The following TMEM63C variants were observed in gnomAD, a reference collection of about 807,000 sequenced individuals.
The protein encoded by TMEM63C is transmembrane protein 63C, also known as osmosensitive cation channel TMEM63C.
In TMEM63C, 32 loss-of-function variants were observed where a neutral mutation model predicts 99.2. The ratio of observed to expected loss-of-function variants is 0.32; its 90% CI spans 0.24 to 0.43. The LOEUF (loss-of-function observed/expected upper bound fraction) is 0.43. TMEM63C is among the 20% of genes least tolerant of loss of function. The probability of loss-of-function intolerance (pLI) is 1.00; values close to 1 mark genes in which losing one functional copy is unlikely to be tolerated. For synonymous variants in TMEM63C, 376 were observed against 397.9 expected (o/e 0.94, Z 0.66); for missense variants, 826 against 1,053.0 (o/e 0.78, Z 2.98).
At chr14:77,220,532 T>C (rs1043311303) in intron 5 of TMEM63C, among the ~76,000 whole-genome samples, 12 of 152,098 alleles carry the variant, frequency 7.9e-5, no homozygotes, top group Non-Finnish European at 1.5e-4. Flanking sequence ...CAGTCTGCTG[T>C]TTCCTCCTCT....
At chr14:77,187,169 C>T (rs1359520108) in intron 1 of TMEM63C, among the ~76,000 whole-genome samples, 2 of 148,034 alleles carry the variant, frequency 1.4e-5, no homozygotes, top group African/African-American at 5.1e-5. Context: ...AGCAGCAGAA[C>T]CCAAACTGGG....
At chr14:77,243,152 T>C (rs1889210155) in intron 15 of TMEM63C, 96 bp downstream of exon 15, 11 of 1,414,864 alleles carry the variant, frequency 7.8e-6, no homozygotes, top group African/African-American at 1.4e-5. Context: ...GGGAGGGGGC[T>C]GTGGAGCCCA....
intron 1 of TMEM63C, among the ~76,000 whole-genome samples, chr14:77,189,071 C>T (rs1888055047): frequency 6.6e-6 from 1 of 151,730 alleles, no homozygotes; most frequent in South Asian, 2.1e-4. Flanking sequence ...AAGGAAATTG[C>T]AAAATAATAC....
intron 13 of TMEM63C, 141 bp from the exon 14 acceptor site, chr14:77,242,206 G>T: frequency 1.0e-6 from 1 of 953,224 alleles, no homozygotes; most frequent in Non-Finnish European, 1.6e-6. Flanking sequence ...ACATATCCAA[G>T]GCTTCAAGAA....
At chr14:77,200,906 C>T (rs917823536) in intron 1 of TMEM63C, 4 of 151,614 alleles carry the variant, frequency 2.6e-5, no homozygotes, top group East Asian at 1.9e-4. Context: ...CAGGTGCTCT[C>T]GTGCTTCCAG....
chr14:77,243,151 C>A, intron 15 of TMEM63C, 95 bp downstream of exon 15: 1 of 1,421,284 alleles, frequency 7.0e-7, no homozygotes, highest in Non-Finnish European at 9.6e-7. Flanking sequence ...TGGGAGGGGG[C>A]TGTGGAGCCC....
intron 22 of TMEM63C, among the ~76,000 whole-genome samples, chr14:77,252,506 C>T (rs1283297755): frequency 2.6e-5 from 4 of 152,172 alleles, no homozygotes; most frequent in Non-Finnish European, 5.9e-5. Flanking sequence ...GGATGTCTAT[C>T]CTGGGGCACT....
intron 1 of TMEM63C, among the ~76,000 whole-genome samples, chr14:77,186,801 C>CTGTGTGTGTG (rs1240827650): frequency 0.026 from 3,878 of 146,422 alleles, 182 homozygotes; most frequent in African/African-American, 0.077. Flanking sequence ...GTGTGTGTGT[C>CTGTGTGTGTG]TGTGTGTGTG....
In TMEM63C at chr14:77,219,669, C is replaced by T; in HGVS notation, c.230+92C>T. 4 of 1,357,664 alleles carry T rather than the reference C, an allele frequency of 2.9e-6. No individual in the cohort carries two copies. The South Asian group carries it at 4.7e-5, about 16-fold the overall frequency. The allele number at this position is 1,357,664 out of a possible 1,614,324, so 84.1% of individuals were successfully genotyped here. A position where few individuals can be genotyped will look rare whatever the true frequency, so the allele number is the denominator to read the frequency against. On this transcript the variant is annotated intron_variant, in intron 4 of 23. Coordinates refer to ENST00000298351, the MANE Select transcript of TMEM63C (RefSeq NM_020431.4). Reference sequence around the variant, plus strand: ...GCAGCTCTGCCCAGCGCCCGAGCTGCAGCAGGTGTCTCGCCAGCAAGTGGC... The same window carrying T: ...GCAGCTCTGCCCAGCGCCCGAGCTGTAGCAGGTGTCTCGCCAGCAAGTGGC...
intron 1 of TMEM63C, among the ~76,000 whole-genome samples, chr14:77,198,323 C>T (rs146403179): frequency 3.9e-5 from 6 of 152,318 alleles, no homozygotes; most frequent in African/African-American, 1.4e-4. Flanking sequence ...GCCCCTCTGG[C>T]GGAAGAGAGG....
At chr14:77,205,409 G>A (rs1211572380) in intron 1 of TMEM63C, among the ~76,000 whole-genome samples, 1 of 152,176 alleles carries the variant, frequency 6.6e-6, no homozygotes, top group African/African-American at 2.4e-5. Flanking sequence ...CATTCACCTA[G>A]AATGAGCTTG....
intron 13 of TMEM63C, among the ~76,000 whole-genome samples, chr14:77,241,017 C>A (rs549010651): frequency 1.4e-5 from 2 of 148,076 alleles, no homozygotes; most frequent in Non-Finnish European, 3.0e-5. Flanking sequence ...ATGGCACAAT[C>A]TCAGCTCACT....
At chr14:77,234,597 C>A (rs1174739902) in intron 8 of TMEM63C, among the ~76,000 whole-genome samples, 1 of 152,180 alleles carries the variant, frequency 6.6e-6, no homozygotes, top group East Asian at 1.9e-4. Flanking sequence ...ATGGTGGATC[C>A]ACCATCATAG....
chr14:77,222,436 G>A (rs986437285), intron 5 of TMEM63C, among the ~76,000 whole-genome samples: 2 of 152,116 alleles, frequency 1.3e-5, no homozygotes, highest in Non-Finnish European at 2.9e-5. Flanking sequence ...ATCCCTTTAG[G>A]TCCACGCTCT....
chr14:77,189,056 A>C (rs1398924350), intron 1 of TMEM63C, among the ~76,000 whole-genome samples: 1 of 152,140 alleles, frequency 6.6e-6, no homozygotes, highest in Non-Finnish European at 1.5e-5. Context: ...ACAATGTTGC[A>C]AAAAAAGGAA....
intron 9 of TMEM63C, among the ~76,000 whole-genome samples, chr14:77,237,536 G>A (rs1239664788): frequency 1.3e-5 from 2 of 152,210 alleles, no homozygotes; most frequent in African/African-American, 4.8e-5. Context: ...GGAACTCTGG[G>A]AGCTGGTGTA....
At chr14:77,190,855 A>C (rs1888093162) in intron 1 of TMEM63C, among the ~76,000 whole-genome samples, 1 of 152,206 alleles carries the variant, frequency 6.6e-6, no homozygotes, top group African/African-American at 2.4e-5. Context: ...TCATGACTGT[A>C]ATTCTTTAAT....
At chr14:77,211,320 C>T (rs909370374) in intron 1 of TMEM63C, among the ~76,000 whole-genome samples, 6 of 152,206 alleles carry the variant, frequency 3.9e-5, no homozygotes, top group Non-Finnish European at 7.3e-5. Context: ...TGGGCCATGA[C>T]CTTGAGCCAG....
At chr14:77,219,066 C>T (rs1888644392) in intron 3 of TMEM63C, 103 bp downstream of exon 3, 1 of 1,279,960 alleles carries the variant, frequency 7.8e-7, no homozygotes, top group Non-Finnish European at 1.0e-6. Context: ...TGGACAACAA[C>T]AACATTGATA....
Sources: gnomAD v4.1 joint callset for allele counts (sites outside exome capture counted in the v4.1 genomes callset) on GRCh38, gnomAD v4.1.1 for gene constraint, MANE v1.5 for transcripts, NCBI Gene and HGNC (gene_info 2026-07-23, HGNC 2026-07-21) for gene names.